MRPL13: variants seen among roughly 807,000 people sequenced by gnomAD.
The protein encoded by MRPL13 is large ribosomal subunit protein uL13m.
A neutral mutation model predicts 29.0 loss-of-function variants in MRPL13; 33 were observed. The ratio of observed to expected loss-of-function variants is 1.14; its 90% CI spans 0.86 to 1.52. The LOEUF (loss-of-function observed/expected upper bound fraction) is 1.52, where lower values mean the gene tolerates loss of function less well. Among genes scored for constraint, MRPL13 ranks in the 40% most tolerant of loss-of-function variants. MRPL13 has a pLI of 0.00. For synonymous variants in MRPL13, 77 were observed against 68.4 expected, an observed-to-expected ratio of 1.13 and a Z score of -0.62; for missense variants, 227 against 216.7, an observed-to-expected ratio of 1.05 and a Z score of -0.30.
At chr8:120,429,752 A>T (rs1037569281) in intron 3 of MRPL13, among the ~76,000 whole-genome samples, 1 of 152,158 alleles carries the variant, frequency 6.6e-6, no homozygotes, top group Non-Finnish European at 1.5e-5. Context: ...TCCTGAGCAT[A>T]CCAAATTCCA....
chr8:120,408,392 A>G (rs1432501983), intron 6 of MRPL13, among the ~76,000 whole-genome samples: 2 of 152,110 alleles, frequency 1.3e-5, no homozygotes, highest in East Asian at 1.9e-4. Flanking sequence ...CTACTTTTTT[A>G]TTTTACTAGC....
At chr8:120,417,016 T>C (rs1277716516) in intron 5 of MRPL13, among the ~76,000 whole-genome samples, 1 of 152,244 alleles carries the variant, frequency 6.6e-6, no homozygotes, top group African/African-American at 2.4e-5. Flanking sequence ...GTTTACTCTG[T>C]AGTCTAGTCT....
chr8:120,414,053 T>C lies in MRPL13; in HGVS notation c.453A>G (p.Ile151Met). The C allele has an allele frequency of 6.2e-7, 1 of 1,602,730 alleles. No homozygotes were observed. Among genetic ancestry groups the C allele is most frequent in the South Asian group, 1.1e-5 (1 of 87,786 alleles). ...LVEELPQPRKIPKRLDEYTQE... is the reference protein window; with the variant it reads ...LVEELPQPRKMPKRLDEYTQE... ...GTGTGTACTCATCTAGACGTTTAGG[T>C]ATTTTTCGTGGTTGAGGAAGCTCCT... Residue 151 changes from isoleucine (I) to methionine (M), a missense_variant, in exon 6 of 7, where the codon ATA (isoleucine) becomes ATG (methionine). Physicochemically the swap from Ile to Met is conservative, Grantham distance 10. Coordinates refer to ENST00000306185, the MANE Select transcript of MRPL13 (RefSeq NM_014078.6).
intron 2 of MRPL13, among the ~76,000 whole-genome samples, chr8:120,442,891 GTT>G (rs1813140137): frequency 6.6e-6 from 1 of 152,078 alleles, no homozygotes; most frequent in South Asian, 2.1e-4. Context: ...AAAAGTGAAA[GTT>G]TAAGTCATGG....
In MRPL13 at chr8:120,395,704, G is replaced by C. The variant is rs1812514679; in HGVS notation, c.*400C>G. On this transcript the variant is annotated 3_prime_UTR_variant, in exon 7 of 7. Coordinates refer to ENST00000306185, the MANE Select transcript of MRPL13 (RefSeq NM_014078.6). ...ATAAAAAAAGCCACTGAAATGAAAAGTGAAGGTAGAGCTTGTTCACAAGGG... is the reference window on the plus strand; with the variant it reads ...ATAAAAAAAGCCACTGAAATGAAAACTGAAGGTAGAGCTTGTTCACAAGGG... 6.3e-6 allele frequency: 1 copy of C among 158,104 alleles called. No homozygotes were observed. Among genetic ancestry groups the C allele is most frequent in the Non-Finnish European group, 1.4e-5 (1 of 72,224 alleles). 9.8% of individuals were successfully genotyped at this position (158,104 alleles called of 1,614,324 possible). A position where few individuals can be genotyped will look rare whatever the true frequency, so the allele number is the denominator to read the frequency against.
chr8:120,431,659 C>G (rs903764035), intron 3 of MRPL13, among the ~76,000 whole-genome samples: 1 of 152,112 alleles, frequency 6.6e-6, no homozygotes, highest in Non-Finnish European at 1.5e-5. Flanking sequence ...AAGATTTTAT[C>G]TAGAGAAGAG....
chr8:120,441,470 C>T (rs1813123111), intron 2 of MRPL13, among the ~76,000 whole-genome samples: 1 of 151,858 alleles, frequency 6.6e-6, no homozygotes, highest in African/African-American at 2.4e-5. Flanking sequence ...GCCAAGGGTA[C>T]TAAGAAAGGG....
chr8:120,433,971 A>T (rs146547209), intron 2 of MRPL13, among the ~76,000 whole-genome samples: 4 of 152,272 alleles, frequency 2.6e-5, no homozygotes, highest in African/African-American at 4.8e-5. Context: ...GTTGAAAAAT[A>T]GTAAGCAATT....
At chr8:120,424,654 T>G (rs1586924112) in intron 4 of MRPL13, among the ~76,000 whole-genome samples, 1 of 152,152 alleles carries the variant, frequency 6.6e-6, no homozygotes, top group East Asian at 1.9e-4. Context: ...TAGTCCCAGC[T>G]GCTTGAGAGG....
chr8:120,430,978 G>A (rs1037448051), intron 3 of MRPL13, among the ~76,000 whole-genome samples: 1 of 151,850 alleles, frequency 6.6e-6, no homozygotes, highest in East Asian at 1.9e-4. Context: ...TCTCAATTTT[G>A]TAGAACTTGG....
chr8:120,428,461 C>G (rs1586925295), intron 3 of MRPL13, among the ~76,000 whole-genome samples: 1 of 152,068 alleles, frequency 6.6e-6, no homozygotes, highest in Non-Finnish European at 1.5e-5. Context: ...AAGATGCAAA[C>G]TGCAATTGCA....
intron 6 of MRPL13, among the ~76,000 whole-genome samples, chr8:120,409,107 G>T (rs1346553521): frequency 6.6e-6 from 1 of 152,078 alleles, no homozygotes; most frequent in Non-Finnish European, 1.5e-5. Flanking sequence ...CTAGAGTACT[G>T]AAACACCAGG....
rs1340922650 is a variant in MRPL13, at chr8:120,414,013, C to T, written c.493G>A (p.Ala165Thr). ...TACGGAGTCCACAATCTTGGGAAGG[C>T]GTCTATTTCTTCTTGTGTGTACTCA... is the stretch of plus-strand genomic sequence containing the variant. ...LDEYTQEEID[A>T]FPRLWTPPED... The change falls in exon 6 of 7, where the codon GCC becomes ACC. Residue 165 changes from alanine (A) to threonine (T), a missense_variant. By Grantham distance (58) the Ala-to-Thr change is moderately conservative. Coordinates refer to ENST00000306185, the MANE Select transcript of MRPL13 (RefSeq NM_014078.6). 2.6e-6 allele frequency: 4 copies of T among 1,560,690 alleles called. No individual in the cohort carries two copies. Among genetic ancestry groups the T allele is most frequent in the Non-Finnish European group, 3.5e-6 (4 of 1,159,140 alleles).
chr8:120,400,731 A>G (rs570981539), intron 6 of MRPL13, among the ~76,000 whole-genome samples: 11 of 139,936 alleles, frequency 7.9e-5, no homozygotes, highest in Admixed American at 5.5e-4. Flanking sequence ...TAAATAAATA[A>G]ATAAATAAAT....
At chr8:120,429,999 C>T (rs1300133784) in intron 3 of MRPL13, among the ~76,000 whole-genome samples, 1 of 152,136 alleles carries the variant, frequency 6.6e-6, no homozygotes, top group African/African-American at 2.4e-5. Flanking sequence ...CAGTGGCTCA[C>T]GCCTGTAATC....
At chr8:120,429,773 T>C (rs899015431) in intron 3 of MRPL13, among the ~76,000 whole-genome samples, 2 of 152,192 alleles carry the variant, frequency 1.3e-5, no homozygotes, top group African/African-American at 4.8e-5. Flanking sequence ...GGGATGTTCA[T>C]ATCCCTGATA....
chr8:120,414,091 TAAG>T lies in MRPL13; in HGVS notation c.412_414del (p.Leu138del). The T allele has an allele frequency of 6.3e-7, 1 of 1,587,642 alleles. No homozygotes were observed. Among genetic ancestry groups the T allele is most frequent in the Non-Finnish European group, 8.5e-7 (1 of 1,170,618 alleles). ...TGAGGAAGCTCCTCTACTAAATTCT[TAAG>T]AATATCTTCTGGAATATACTACATT... On this transcript the variant is annotated inframe_deletion, in exon 6 of 7. Coordinates refer to ENST00000306185, the MANE Select transcript of MRPL13 (RefSeq NM_014078.6).
At chr8:120,437,075 T>C (rs1450742250) in intron 2 of MRPL13, among the ~76,000 whole-genome samples, 1 of 152,192 alleles carries the variant, frequency 6.6e-6, no homozygotes. Flanking sequence ...ATTCTAGATA[T>C]AGCCTGAAGC....
chr8:120,422,656 A>G (rs1478707057), intron 4 of MRPL13, among the ~76,000 whole-genome samples: 2 of 150,192 alleles, frequency 1.3e-5, no homozygotes, highest in African/African-American at 4.9e-5. Flanking sequence ...GTAATTAAAA[A>G]TTTAGTTAAT....
Sources: allele counts gnomAD v4.1 joint callset (sites outside exome capture counted in the v4.1 genomes callset), GRCh38; gene constraint gnomAD v4.1.1; transcripts MANE v1.5; gene names NCBI Gene and HGNC (gene_info 2026-07-23, HGNC 2026-07-21).